Variants in UVRAG observed in about 807,000 individuals in gnomAD.
UVRAG encodes UV radiation resistance associated, also known as UV radiation resistance-associated gene protein.
Under a neutral mutation model 78.0 loss-of-function variants are expected in UVRAG, and 19 were observed. The ratio of observed to expected loss-of-function variants is 0.24; its 90% CI spans 0.17 to 0.36. The LOEUF (loss-of-function observed/expected upper bound fraction) is 0.36, where lower values mean the gene tolerates loss of function less well. Among genes scored for constraint, UVRAG ranks in the 10% least tolerant of loss-of-function variants. UVRAG has a pLI of 1.00. For synonymous variants in UVRAG, 323 were observed against 324.6 expected (o/e 1.00, Z 0.05); for missense variants, 740 against 853.8 (o/e 0.87, Z 1.66).
intron 5 of UVRAG, among the ~76,000 whole-genome samples, chr11:75,896,740 T>C (rs991088625): frequency 6.6e-6 from 1 of 152,196 alleles, no homozygotes; most frequent in African/African-American, 2.4e-5. Context: ...AGAATAAAAA[T>C]CTTGAGTAGA....
chr11:75,964,610 T>C (rs1281423186), intron 7 of UVRAG, among the ~76,000 whole-genome samples: 1 of 152,190 alleles, frequency 6.6e-6, no homozygotes, highest in Non-Finnish European at 1.5e-5. Flanking sequence ...TTTTAATAAG[T>C]ATCAGTTTAG....
At chr11:75,870,423 C>A (rs1946623982) in intron 3 of UVRAG, among the ~76,000 whole-genome samples, 1 of 152,166 alleles carries the variant, frequency 6.6e-6, no homozygotes, top group South Asian at 2.1e-4. Context: ...TATCCCTCTT[C>A]CTTGCCATGC....
intron 13 of UVRAG, among the ~76,000 whole-genome samples, chr11:76,105,887 C>G (rs542697869): frequency 6.6e-6 from 1 of 152,324 alleles, no homozygotes; most frequent in East Asian, 1.9e-4. Flanking sequence ...TGAAACATTG[C>G]TGCTGAGAAT....
At chr11:76,138,657 TGGC>T (rs1952642698) in intron 14 of UVRAG, among the ~76,000 whole-genome samples, 4 of 152,280 alleles carry the variant, frequency 2.6e-5, no homozygotes, top group Admixed American at 2.0e-4. Flanking sequence ...GGTGGGAGGA[TGGC>T]AGCGCAGGGT....
At chr11:76,115,772 C>G in intron 13 of UVRAG, 152 bp from the exon 14 acceptor site, 2 of 645,356 alleles carry the variant, frequency 3.1e-6, no homozygotes, top group Non-Finnish European at 5.3e-6. Flanking sequence ...GTCAAATACC[C>G]AGTAAGTGGA....
chr11:76,107,574 G>A (rs1463706674), intron 13 of UVRAG, among the ~76,000 whole-genome samples: 1 of 152,200 alleles, frequency 6.6e-6, no homozygotes, highest in Non-Finnish European at 1.5e-5. Context: ...AGACTGGCAC[G>A]TGTTTATAGA....
chr11:76,096,166 G>A (rs1166769419), intron 13 of UVRAG, among the ~76,000 whole-genome samples: 3 of 152,072 alleles, frequency 2.0e-5, no homozygotes, highest in African/African-American at 7.2e-5. Flanking sequence ...TGAAAAACCA[G>A]AAAACAAAAT....
intron 3 of UVRAG, among the ~76,000 whole-genome samples, chr11:75,869,768 G>A (rs370540012): frequency 6.6e-6 from 1 of 152,308 alleles, no homozygotes; most frequent in East Asian, 1.9e-4. Context: ...AGTTTATTGT[G>A]TTAATAGTAA....
At chr11:75,833,320 A>G (rs184110254) in intron 1 of UVRAG, among the ~76,000 whole-genome samples, 1 of 152,300 alleles carries the variant, frequency 6.6e-6, no homozygotes, top group African/African-American at 2.4e-5. Flanking sequence ...GACTCAGGTA[A>G]AATGGGCATA....
chr11:75,830,953 A>G (rs1407879532), intron 1 of UVRAG, among the ~76,000 whole-genome samples: 1 of 152,204 alleles, frequency 6.6e-6, no homozygotes, highest in Non-Finnish European at 1.5e-5. Context: ...AAACTAAGTT[A>G]GGCAACCTAG....
At chr11:75,826,038 C>T (rs899188105) in intron 1 of UVRAG, among the ~76,000 whole-genome samples, 2 of 151,936 alleles carry the variant, frequency 1.3e-5, no homozygotes, top group African/African-American at 4.8e-5. Flanking sequence ...GGTTTCATCA[C>T]GTTGGCCAGG....
At chr11:75,843,444 C>A (rs1363942982) in intron 1 of UVRAG, among the ~76,000 whole-genome samples, 1 of 152,180 alleles carries the variant, frequency 6.6e-6, no homozygotes, top group East Asian at 1.9e-4. Context: ...TAGTTGTAAT[C>A]TTTGACAGTT....
chr11:75,831,270 C>T (rs570328774), intron 1 of UVRAG, among the ~76,000 whole-genome samples: 1 of 152,160 alleles, frequency 6.6e-6, no homozygotes, highest in East Asian at 1.9e-4. Flanking sequence ...GGGCAGATCA[C>T]GAGGTCAAGA....
At chr11:76,079,965 C>T (rs555652660) in intron 13 of UVRAG, among the ~76,000 whole-genome samples, 1 of 152,186 alleles carries the variant, frequency 6.6e-6, no homozygotes, top group Non-Finnish European at 1.5e-5. Flanking sequence ...GCTCATGGTT[C>T]GGGAAGCTGG....
chr11:76,081,372 G>A (rs377494848), intron 13 of UVRAG, among the ~76,000 whole-genome samples: 43 of 151,878 alleles, frequency 2.8e-4, no homozygotes, highest in African/African-American at 1.0e-3. Flanking sequence ...CGCCCAACTA[G>A]TTTTTATATT....
chr11:75,818,558 A>G (rs933438047), intron 1 of UVRAG, among the ~76,000 whole-genome samples: 2 of 150,574 alleles, frequency 1.3e-5, no homozygotes, highest in Admixed American at 1.3e-4. Flanking sequence ...GGCTTATTGC[A>G]ACCTCTGCCT....
chr11:76,091,499 C>T (rs1016794574), intron 13 of UVRAG, among the ~76,000 whole-genome samples: 1 of 151,974 alleles, frequency 6.6e-6, no homozygotes, highest in African/African-American at 2.4e-5. Context: ...GGACTACTAT[C>T]GTTTAGATAT....
intron 14 of UVRAG, among the ~76,000 whole-genome samples, chr11:76,136,142 C>T (rs1371104536): frequency 6.6e-6 from 1 of 152,174 alleles, no homozygotes; most frequent in African/African-American, 2.4e-5. Flanking sequence ...TTCAATTCCT[C>T]CCTTTCTCTC....
intron 12 of UVRAG, among the ~76,000 whole-genome samples, chr11:76,018,823 T>C (rs1007534983): frequency 3.3e-5 from 5 of 152,242 alleles, no homozygotes; most frequent in African/African-American, 1.2e-4. Context: ...TAAGGTAGTC[T>C]TCTTTGAGTT....
Sources: gnomAD v4.1 joint callset for allele counts (sites outside exome capture counted in the v4.1 genomes callset) on GRCh38, gnomAD v4.1.1 for gene constraint, MANE v1.5 for transcripts, NCBI Gene and HGNC (gene_info 2026-07-23, HGNC 2026-07-21) for gene names.